BPIFB4: variants seen among roughly 807,000 people sequenced by gnomAD.
The protein encoded by BPIFB4 is BPI fold containing family B member 4.
In BPIFB4, 62 loss-of-function variants were observed where a neutral mutation model predicts 69.2. The ratio of observed to expected loss-of-function variants is 0.90; its 90% CI spans 0.73 to 1.11. The LOEUF (loss-of-function observed/expected upper bound fraction) is 1.11, where lower values mean the gene tolerates loss of function less well. BPIFB4 is among the 50% of genes least tolerant of loss of function. The pLI is 0.00. For missense variants in BPIFB4, 789 were observed against 792.0 expected (o/e 1.00, Z 0.04); for synonymous variants, 330 against 332.7 (o/e 0.99, Z 0.09).
intron 16 of BPIFB4, among the ~76,000 whole-genome samples, chr20:33,106,049 A>G (rs1207460318): frequency 6.6e-6 from 1 of 152,040 alleles, no homozygotes; most frequent in Admixed American, 6.6e-5. Context: ...TGCTGAAGAT[A>G]CTCCTGCAGG....
At chr20:33,094,979 A>AGAAGAC (rs1981716386) in intron 11 of BPIFB4, 121 bp from the exon 12 acceptor site, 1 of 947,866 alleles carries the variant, frequency 1.1e-6, no homozygotes, top group African/African-American at 1.6e-5. Context: ...TTTCAGGGAG[A>AGAAGAC]GAAGACGAAG....
chr20:33,110,564 G>A (rs912565606), intron 17 of BPIFB4, among the ~76,000 whole-genome samples: 8 of 152,134 alleles, frequency 5.3e-5, no homozygotes, highest in Non-Finnish European at 7.3e-5. Flanking sequence ...ACTAATTTTT[G>A]CCATTCAGTG....
chr20:33,079,894 A>G (rs1281274832), intron 1 of BPIFB4, among the ~76,000 whole-genome samples, 191 bp downstream of exon 1: 1 of 152,212 alleles, frequency 6.6e-6, no homozygotes, highest in Non-Finnish European at 1.5e-5. Flanking sequence ...GGGTTATGCC[A>G]ATTACATGCA....
chr20:33,100,248 T>C (rs900790332), intron 13 of BPIFB4, among the ~76,000 whole-genome samples, 178 bp from the exon 14 acceptor site: 2 of 152,100 alleles, frequency 1.3e-5, no homozygotes, highest in African/African-American at 4.8e-5. Context: ...ACATGGTGAG[T>C]GTTAACCAGG....
At position 33,081,644 on chromosome 20, in the gene BPIFB4, C is replaced by T; in HGVS notation, c.106+12C>T. The T allele has an allele frequency of 1.3e-6, 2 of 1,551,492 alleles. No individual in the cohort carries two copies. The highest frequency in any genetic ancestry group is 1.7e-6 in the Non-Finnish European group (2 of 1,146,938). ...TGTGTTGAGCAATGGTGAGTCCAGC[C>T]CCAAAGGGGTGAGGGTTGGCATGGG... On this transcript the variant is annotated intron_variant, in intron 3 of 17. Coordinates refer to ENST00000375483, the MANE Select transcript of BPIFB4 (RefSeq NM_182519.3).
intron 17 of BPIFB4, 106 bp from the exon 18 acceptor site, chr20:33,111,308 A>G: frequency 8.3e-6 from 12 of 1,452,040 alleles, no homozygotes; most frequent in Non-Finnish European, 1.2e-5. Context: ...GTTCAGAGTT[A>G]CTGCTTCCTA....
chr20:33,081,486 C>T, intron 2 of BPIFB4, 26 bp from the exon 3 acceptor site: 6 of 1,550,214 alleles, frequency 3.9e-6, no homozygotes, highest in South Asian at 1.2e-5. Flanking sequence ...CCAGCCACAT[C>T]TGCATCTGCA....
intron 7 of BPIFB4, among the ~76,000 whole-genome samples, chr20:33,087,753 C>CAA (rs138400820): frequency 0.017 from 2,423 of 140,850 alleles, 75 homozygotes; most frequent in South Asian, 0.05. Flanking sequence ...CACACACACA[C>CAA]AAGCATGCAT....
At chr20:33,086,848 G>A (rs936768049) in intron 7 of BPIFB4, among the ~76,000 whole-genome samples, 3 of 152,206 alleles carry the variant, frequency 2.0e-5, no homozygotes, top group Non-Finnish European at 2.9e-5. Context: ...GCTGTCCCCA[G>A]GTGGTGCTCT....
At chr20:33,081,077 G>A (rs932564647) in intron 2 of BPIFB4, among the ~76,000 whole-genome samples, 9 of 152,198 alleles carry the variant, frequency 5.9e-5, no homozygotes, top group East Asian at 1.9e-4. Context: ...GAATAAATAC[G>A]AAGGGGAGAA....
intron 16 of BPIFB4, among the ~76,000 whole-genome samples, chr20:33,105,354 G>T (rs553266369): frequency 2.6e-5 from 4 of 152,122 alleles, no homozygotes; most frequent in Admixed American, 6.5e-5. Flanking sequence ...TTCCATTGGC[G>T]CAGATACAGC....
At chr20:33,104,697 C>A in intron 15 of BPIFB4, 113 bp from the exon 16 acceptor site, 3 of 958,900 alleles carry the variant, frequency 3.1e-6, no homozygotes, top group Admixed American at 2.6e-5. Flanking sequence ...AGAACCTAGA[C>A]TCTCCCAGAG....
At chr20:33,084,122 C>T (rs1981345551) in intron 5 of BPIFB4, among the ~76,000 whole-genome samples, 2 of 152,192 alleles carry the variant, frequency 1.3e-5, no homozygotes, top group South Asian at 2.1e-4. Context: ...TTGATATCAT[C>T]TCTCGAGTCT....
intron 7 of BPIFB4, among the ~76,000 whole-genome samples, chr20:33,086,476 T>C (rs1981433853): frequency 6.6e-6 from 1 of 152,228 alleles, no homozygotes; most frequent in Non-Finnish European, 1.5e-5. Flanking sequence ...GTCAGGAGCA[T>C]GCCTGAGACT....
rs1297306749 is a variant in BPIFB4 at position 33,092,617 on chromosome 20, C to T, written c.1303C>T (p.Gln435Ter). Residue 435 changes from glutamine (Q) to a stop codon, truncating the protein, a stop_gained, in exon 11 of 18, where the codon CAG becomes TAG. Transcript: ENST00000375483. LOFTEE classifies it high-confidence loss of function. ...NFLGSVLTLL[Q>*]KQHALDLDIT... ...CCTGGGCTCAGTGCTGACTCTACTG[C>T]AGAAGCAGCATGCTCTAGACCTGGA... 3 of 1,613,118 alleles carry T rather than the reference C, an allele frequency of 1.9e-6. No homozygotes were observed. Among genetic ancestry groups the T allele is most frequent in the South Asian group, 1.1e-5 (1 of 91,088 alleles).
intron 17 of BPIFB4, among the ~76,000 whole-genome samples, chr20:33,109,230 T>G (rs76953713): frequency 0.034 from 5,104 of 152,286 alleles, 294 homozygotes; most frequent in African/African-American, 0.12. Context: ...TATTATAAAA[T>G]GTTATTATTC....
In BPIFB4 at chr20:33,111,411, A is replaced by T. The variant is rs780392257; in HGVS notation, c.1822-3A>T. The T allele has an allele frequency of 6.2e-7, 1 of 1,613,950 alleles. No individual in the cohort carries two copies. The highest frequency in any genetic ancestry group is 8.5e-7 in the Non-Finnish European group (1 of 1,179,876). ...CACCGGCTACTCTGTTCTGCCATCCAAGGACCTTTTGGTGCTGAGCGCATG... is the reference window on the plus strand; with the variant it reads ...CACCGGCTACTCTGTTCTGCCATCCTAGGACCTTTTGGTGCTGAGCGCATG... On this transcript the variant is annotated splice_region_variant and splice_polypyrimidine_tract_variant and intron_variant, in intron 17 of 17. Transcript: ENST00000375483.
chr20:33,111,563 C>T lies in BPIFB4; in HGVS notation c.*126C>T. 8.2e-7 allele frequency: 1 copy of T among 1,212,730 alleles called. No individual in the cohort carries two copies. The highest frequency in any genetic ancestry group is 2.5e-5 in the East Asian group (1 of 39,782). 75.1% of individuals were successfully genotyped at this position (1,212,730 alleles called of 1,614,324 possible). A position where few individuals can be genotyped will look rare whatever the true frequency, so the allele number is the denominator to read the frequency against. On this transcript the variant is annotated 3_prime_UTR_variant, in exon 18 of 18. Transcript: ENST00000375483. ...CCATGACAGGTCCCTCCCTGGCCCC[C>T]CAACCCTCTTCCTCCCTTGCCCCAA...
chr20:33,086,167 G>A lies in BPIFB4; in HGVS notation c.926+3G>A. ...ATCAAAGTCAAGCTGCTGCGAGGGT[G>A]AGTGCTAGCCGGCAGTGGAGTGCCT... On this transcript the variant is annotated splice_donor_region_variant and intron_variant, in intron 7 of 17. Coordinates refer to ENST00000375483, the MANE Select transcript of BPIFB4 (RefSeq NM_182519.3). 1.2e-6 allele frequency: 2 copies of A among 1,604,722 alleles called. No homozygotes were observed. Among genetic ancestry groups the A allele is most frequent in the South Asian group, 1.1e-5 (1 of 90,902 alleles).
Sources: gnomAD v4.1 joint callset for allele counts (sites outside exome capture counted in the v4.1 genomes callset) on GRCh38, gnomAD v4.1.1 for gene constraint, MANE v1.5 for transcripts, NCBI Gene and HGNC (gene_info 2026-07-23, HGNC 2026-07-21) for gene names.